ARHGAP42: variants seen among roughly 807,000 people sequenced by gnomAD.
ARHGAP42 encodes Rho GTPase activating protein 42, also known as rho GTPase-activating protein 42.
In ARHGAP42, 63 loss-of-function variants were observed where a neutral mutation model predicts 125.0. That is an observed-to-expected ratio of 0.50 (90% CI 0.41 to 0.62). ARHGAP42 has a LOEUF of 0.62. Among genes scored for constraint, ARHGAP42 ranks in the 20% least tolerant of loss-of-function variants. The pLI, the probability that ARHGAP42 is intolerant of heterozygous loss-of-function variation, is 0.00. For missense variants in ARHGAP42, 766 were observed against 1,024.2 expected (o/e 0.75, Z 3.44); for synonymous variants, 339 against 351.0 (o/e 0.97, Z 0.38).
At chr11:100,741,147 CA>C in intron 1 of ARHGAP42, among the ~76,000 whole-genome samples, 1 of 152,182 alleles carries the variant, frequency 6.6e-6, no homozygotes, top group Non-Finnish European at 1.5e-5. Flanking sequence ...TCTCCTGCCT[CA>C]GCCTCCTGAG....
chr11:100,846,481 T>A (rs900200302), intron 3 of ARHGAP42, among the ~76,000 whole-genome samples: 2 of 152,194 alleles, frequency 1.3e-5, no homozygotes, highest in Non-Finnish European at 2.9e-5. Context: ...TCTAACTTCC[T>A]GTCTTCCATA....
At chr11:100,970,230 C>T (rs948057435) in intron 17 of ARHGAP42, among the ~76,000 whole-genome samples, 2 of 152,114 alleles carry the variant, frequency 1.3e-5, no homozygotes, top group African/African-American at 2.4e-5. Context: ...CTCAGGTGAT[C>T]CACCCGCCTT....
At chr11:100,873,421 C>G (rs1865740510) in intron 4 of ARHGAP42, among the ~76,000 whole-genome samples, 1 of 152,092 alleles carries the variant, frequency 6.6e-6, no homozygotes, top group Non-Finnish European at 1.5e-5. Flanking sequence ...CTGATTCTAA[C>G]CCATGAAACT....
At chr11:100,899,721 T>C (rs1400911227) in intron 4 of ARHGAP42, among the ~76,000 whole-genome samples, 3 of 75,494 alleles carry the variant, frequency 4.0e-5, no homozygotes, top group African/African-American at 2.6e-4. Context: ...TTTTGTGTTT[T>C]GTTTTTTTTT....
At chr11:100,751,731 A>G (rs1203617148) in intron 1 of ARHGAP42, among the ~76,000 whole-genome samples, 1 of 133,838 alleles carries the variant, frequency 7.5e-6, no homozygotes, top group Non-Finnish European at 1.6e-5. Context: ...TCACAGACAC[A>G]CTCCTATCCC....
At chr11:100,812,722 T>G (rs1056019609) in intron 3 of ARHGAP42, among the ~76,000 whole-genome samples, 4 of 152,198 alleles carry the variant, frequency 2.6e-5, no homozygotes, top group African/African-American at 9.6e-5. Context: ...GTGCTCGGAC[T>G]GTTTGAGGAG....
At chr11:100,713,116 G>C (rs1454293246) in intron 1 of ARHGAP42, among the ~76,000 whole-genome samples, 1 of 152,192 alleles carries the variant, frequency 6.6e-6, no homozygotes, top group Admixed American at 6.5e-5. Context: ...AACCATAAGT[G>C]TTCTCCTGGA....
At chr11:100,790,342 G>GAT (rs77036212) in intron 2 of ARHGAP42, among the ~76,000 whole-genome samples, 42 of 150,668 alleles carry the variant, frequency 2.8e-4, no homozygotes, top group African/African-American at 6.8e-4. Flanking sequence ...TTCAGTAATA[G>GAT]TTTTTTTTTT....
intron 1 of ARHGAP42, among the ~76,000 whole-genome samples, chr11:100,743,560 G>A (rs916367233): frequency 1.2e-4 from 18 of 152,066 alleles, no homozygotes; most frequent in African/African-American, 4.3e-4. Flanking sequence ...AGTCCTTTTT[G>A]TGATGAATCA....
intron 4 of ARHGAP42, among the ~76,000 whole-genome samples, chr11:100,865,263 C>T (rs956193926): frequency 6.6e-6 from 1 of 151,960 alleles, no homozygotes; most frequent in African/African-American, 2.4e-5. Context: ...CATGTAATAT[C>T]CAAAAAAATC....
At chr11:100,840,074 G>A (rs1018048570) in intron 3 of ARHGAP42, 2 of 152,086 alleles carry the variant, frequency 1.3e-5, no homozygotes, top group Admixed American at 1.3e-4. Flanking sequence ...CATATCTAGG[G>A]CTTATAAAGA....
chr11:100,964,089 T>A (rs1212531670), intron 16 of ARHGAP42, among the ~76,000 whole-genome samples: 2 of 152,066 alleles, frequency 1.3e-5, no homozygotes, highest in African/African-American at 4.8e-5. Context: ...AACATAGCCA[T>A]ATTTACTAGA....
At chr11:100,729,524 T>A (rs1861918618) in intron 1 of ARHGAP42, among the ~76,000 whole-genome samples, 1 of 152,160 alleles carries the variant, frequency 6.6e-6, no homozygotes. Context: ...ATTTCTAGTC[T>A]AAGAAGATAT....
intron 1 of ARHGAP42, among the ~76,000 whole-genome samples, chr11:100,740,688 C>A (rs529335339): frequency 6.6e-6 from 1 of 152,256 alleles, no homozygotes; most frequent in African/African-American, 2.4e-5. Context: ...CAAGATAAAG[C>A]GATGGGGTAG....
chr11:100,934,410 A>T (rs540263781), intron 7 of ARHGAP42, among the ~76,000 whole-genome samples: 5 of 152,298 alleles, frequency 3.3e-5, no homozygotes, highest in African/African-American at 9.6e-5. Flanking sequence ...TAAATACAAA[A>T]TAAAAAATTT....
At chr11:100,893,158 G>GATGT (rs1555018919) in intron 4 of ARHGAP42, among the ~76,000 whole-genome samples, 1 of 146,988 alleles carries the variant, frequency 6.8e-6, no homozygotes, top group African/African-American at 2.5e-5. Context: ...AACATTTAGG[G>GATGT]GTGTGTGTGT....
intron 1 of ARHGAP42, among the ~76,000 whole-genome samples, chr11:100,746,573 G>A (rs1010029283): frequency 1.3e-5 from 2 of 152,198 alleles, no homozygotes; most frequent in African/African-American, 4.8e-5. Flanking sequence ...CAATGGCTGT[G>A]GTTTGCCTTA....
chr11:100,757,842 G>A (rs1303767552), intron 1 of ARHGAP42, among the ~76,000 whole-genome samples: 2 of 152,134 alleles, frequency 1.3e-5, no homozygotes, highest in Non-Finnish European at 2.9e-5. Flanking sequence ...GTTTGACAGT[G>A]TGCTTTTTTG....
intron 3 of ARHGAP42, among the ~76,000 whole-genome samples, chr11:100,802,691 G>A (rs1412091035): frequency 6.6e-6 from 1 of 152,158 alleles, no homozygotes; most frequent in African/African-American, 2.4e-5. Flanking sequence ...GTCTCCCAAA[G>A]TGCCGGGATT....
Sources: allele counts gnomAD v4.1 joint callset (sites outside exome capture counted in the v4.1 genomes callset), GRCh38; gene constraint gnomAD v4.1.1; transcripts MANE v1.5; gene names NCBI Gene and HGNC (gene_info 2026-07-23, HGNC 2026-07-21).